The following INPP5D variants were observed in gnomAD, a reference collection of about 807,000 sequenced individuals.
The protein encoded by INPP5D is phosphatidylinositol 3,4,5-trisphosphate 5-phosphatase 1.
In INPP5D, 33 loss-of-function variants were observed where a neutral mutation model predicts 122.9. That is an observed-to-expected ratio of 0.27 (90% CI 0.20 to 0.36). The LOEUF (loss-of-function observed/expected upper bound fraction) is 0.36, where lower values mean the gene tolerates loss of function less well. Among genes scored for constraint, INPP5D ranks in the 10% least tolerant of loss-of-function variants. The pLI is 1.00. For missense variants in INPP5D, 1,053 were observed against 1,412.7 expected, an observed-to-expected ratio of 0.75 and a Z score of 4.08; for synonymous variants, 584 against 576.2, an observed-to-expected ratio of 1.01 and a Z score of -0.19.
intron 1 of INPP5D, among the ~76,000 whole-genome samples, chr2:233,073,415 G>A (rs530775089): frequency 1.2e-4 from 19 of 152,106 alleles, no homozygotes; most frequent in Admixed American, 4.6e-4. Context: ...TGAAGCAGGC[G>A]GATCACCTGA....
chr2:233,207,021 C>T lies in INPP5D; in HGVS notation c.*313C>T, dbSNP rs974278395. 1.5e-5 allele frequency: 5 copies of T among 329,674 alleles called. No individual in the cohort carries two copies. The highest frequency in any genetic ancestry group is 4.3e-5 in the South Asian group (1 of 23,294). The allele number at this position is 329,674 out of a possible 1,614,324, so 20.4% of individuals were successfully genotyped here. A position where few individuals can be genotyped will look rare whatever the true frequency, so the allele number is the denominator to read the frequency against. On this transcript the variant is annotated 3_prime_UTR_variant, in exon 27 of 27. Coordinates refer to ENST00000445964, the MANE Select transcript of INPP5D (RefSeq NM_001017915.3). The surrounding 1 kb of genome is among the most constrained non-coding windows in gnomAD (Gnocchi z 4.6). ...ATTCTGAAGAAAGGAACTGCAGCGC[C>T]GATTTGAGGGTGGAGATATAGATAA...
intron 23 of INPP5D, 33 bp downstream of exon 23, chr2:233,193,994 C>A: frequency 6.5e-7 from 1 of 1,545,768 alleles, no homozygotes; most frequent in South Asian, 1.2e-5. Context: ...GCGCCCTCTT[C>A]AGCCCCCCAC....
chr2:233,204,847 C>A, intron 26 of INPP5D, 130 bp downstream of exon 26: 1 of 1,243,034 alleles, frequency 8.0e-7, no homozygotes, highest in Non-Finnish European at 1.1e-6. Flanking sequence ...CATGTGTGAA[C>A]GCATGCATGT....
chr2:233,145,196 T>C, intron 6 of INPP5D: 1 of 456,036 alleles, frequency 2.2e-6, no homozygotes, highest in South Asian at 1.5e-5. Flanking sequence ...GTTTCTTCTG[T>C]GAATAAGTGC....
At chr2:233,179,855 G>C (rs1459285463) in intron 18 of INPP5D, among the ~76,000 whole-genome samples, 2 of 152,192 alleles carry the variant, frequency 1.3e-5, no homozygotes, top group Admixed American at 1.3e-4. Flanking sequence ...AGGCATATCA[G>C]CTGTCTATTG....
At chr2:233,159,001 C>G (rs1057350987) in intron 10 of INPP5D, among the ~76,000 whole-genome samples, 4 of 152,190 alleles carry the variant, frequency 2.6e-5, no homozygotes, top group Admixed American at 6.5e-5. Context: ...AGGCTGGTCT[C>G]GAACTCCTGG....
chr2:233,156,668 C>T (rs1405222273), intron 9 of INPP5D, among the ~76,000 whole-genome samples: 3 of 152,340 alleles, frequency 2.0e-5, no homozygotes, highest in East Asian at 1.9e-4. Context: ...AAAGGACACA[C>T]TTCCCTCCTC....
chr2:233,165,831 C>T lies in INPP5D; in HGVS notation c.1555+1407C>T, dbSNP rs1694319397. ...GTGTCCGAGTGCATGTGCATAAGTG[C>T]TAGAGCCTCTCTGTGTGTTTGTGTG... On this transcript the variant is annotated intron_variant, in intron 13 of 26. Transcript: ENST00000445964. Among the ~76,000 whole-genome samples, 4 of 141,490 alleles carry T rather than the reference C, an allele frequency of 2.8e-5. No homozygotes were observed. In the South Asian group the frequency reaches 9.1e-4, roughly 32 times the overall value. The allele number at this position is 141,490 out of a possible 152,430, so 92.8% of individuals were successfully genotyped here.
intron 2 of INPP5D, among the ~76,000 whole-genome samples, chr2:233,094,758 T>C (rs1692089406): frequency 6.6e-6 from 1 of 152,096 alleles, no homozygotes; most frequent in Admixed American, 6.6e-5. Flanking sequence ...GTGATCCTGA[T>C]GCACATTAGG....
At chr2:233,068,061 G>A (rs1447712564) in intron 1 of INPP5D, among the ~76,000 whole-genome samples, 1 of 152,046 alleles carries the variant, frequency 6.6e-6, no homozygotes, top group African/African-American at 2.4e-5. Context: ...CGAGGTGGGT[G>A]GATCACCTGA....
intron 14 of INPP5D, 72 bp from the exon 15 acceptor site, chr2:233,169,954 G>C: frequency 6.2e-7 from 1 of 1,606,124 alleles, no homozygotes; most frequent in Non-Finnish European, 8.5e-7. Context: ...CCTATGGCAG[G>C]AGTGACTTCC....
At chr2:233,152,519 C>T (rs1488332468) in intron 9 of INPP5D, among the ~76,000 whole-genome samples, 1 of 152,168 alleles carries the variant, frequency 6.6e-6, no homozygotes, top group South Asian at 2.1e-4. Flanking sequence ...AACAAACACA[C>T]AAATATACAA....
intron 17 of INPP5D, chr2:233,171,390 T>G (rs1001448946): frequency 4.2e-6 from 2 of 481,404 alleles, no homozygotes; most frequent in East Asian, 3.6e-5. Flanking sequence ...TCTAAGATGC[T>G]GAGAGGACTT....
In INPP5D at chr2:233,078,027, C is replaced by G. The variant is rs566668093; in HGVS notation, c.135-1308C>G. On this transcript the variant is annotated intron_variant, in intron 1 of 26. Coordinates refer to ENST00000445964, the MANE Select transcript of INPP5D (RefSeq NM_001017915.3). This position sits in a 1 kb window ranked among gnomAD's most constrained non-coding sequence, Gnocchi z 4.6. ...TACAGGGCTCTACGGGCCAGGTGAGCCTTCCGGGCTCAGGAGAATCTTAAG... is the reference window on the plus strand; with the variant it reads ...TACAGGGCTCTACGGGCCAGGTGAGGCTTCCGGGCTCAGGAGAATCTTAAG... Among the ~76,000 whole-genome samples, 24 of 152,246 alleles carry G rather than the reference C, an allele frequency of 1.6e-4. No individual in the cohort carries two copies. In the South Asian group the frequency reaches 4.8e-3, roughly 30 times the overall value.
intron 2 of INPP5D, among the ~76,000 whole-genome samples, chr2:233,111,032 A>G (rs1276743315): frequency 6.6e-6 from 1 of 152,180 alleles, no homozygotes; most frequent in Non-Finnish European, 1.5e-5. Context: ...GAATTCCTGT[A>G]TACCCTCTGC....
rs150632531 is a variant in INPP5D at position 233,132,492 on chromosome 2, A to AAG, written c.665+1846_665+1847dup. On this transcript the variant is annotated intron_variant, in intron 5 of 26. Coordinates refer to ENST00000445964, the MANE Select transcript of INPP5D (RefSeq NM_001017915.3). ...TGCTCCATGACTCTATTTAGAATTAAAGACACCGTCATGCTCTAAATTTCC... is the reference window on the plus strand; with the variant it reads ...TGCTCCATGACTCTATTTAGAATTAAAGAGACACCGTCATGCTCTAAATTTCC... Among the ~76,000 whole-genome samples, 52 of 152,302 alleles carry AAG rather than the reference A, an allele frequency of 3.4e-4. 1 individual carries two copies. The highest frequency in any genetic ancestry group is 1.1e-3 in the African/African-American group (47 of 41,558).
At chr2:233,152,900 ACT>A (rs1693956371) in intron 9 of INPP5D, among the ~76,000 whole-genome samples, 3 of 152,086 alleles carry the variant, frequency 2.0e-5, no homozygotes, top group African/African-American at 7.2e-5. Context: ...CAAAAAGATA[ACT>A]CTGGCTGCTG....
rs1306706419 is a variant in INPP5D at position 233,105,643 on chromosome 2, G to T, written c.199-16464G>T. On this transcript the variant is annotated intron_variant, in intron 2 of 26. Coordinates refer to ENST00000445964, the MANE Select transcript of INPP5D (RefSeq NM_001017915.3). The surrounding 1 kb of genome is among the most constrained non-coding windows in gnomAD (Gnocchi z 4.0). The stretch of plus-strand genomic sequence containing the variant: ...CCAGAGGGGAAGGGAAGGGTAAGAG[G>T]GTAGTGACCGCAAGCGGGCCGCCTG... 6.6e-6 allele frequency among the ~76,000 whole-genome samples: 1 copy of T among 152,192 alleles called. No homozygotes were observed. The highest frequency in any genetic ancestry group is 2.1e-4 in the South Asian group (1 of 4,838).
At chr2:233,145,691 CG>C (rs748885427) in intron 6 of INPP5D, among the ~76,000 whole-genome samples, 1 of 139,770 alleles carries the variant, frequency 7.2e-6, no homozygotes, top group East Asian at 2.5e-4. Context: ...CTTGGTGGGG[CG>C]GGTGAGGTGG....
Sources: allele counts gnomAD v4.1 joint callset (sites outside exome capture counted in the v4.1 genomes callset), GRCh38; gene constraint gnomAD v4.1.1; non-coding constraint Gnocchi (gnomAD v3.1); transcripts MANE v1.5; gene names NCBI Gene and HGNC (gene_info 2026-07-23, HGNC 2026-07-21).